Variants in SYNDIG1 observed in about 807,000 individuals in gnomAD.
The protein encoded by SYNDIG1 is synapse differentiation inducing 1, also known as synapse differentiation-inducing gene protein 1.
A neutral mutation model predicts 19.4 loss-of-function variants in SYNDIG1; 9 were observed. That is an observed-to-expected ratio of 0.46 (90% confidence interval 0.28 to 0.81). The LOEUF (loss-of-function observed/expected upper bound fraction) is 0.81. Ranked by LOEUF, SYNDIG1 falls within the 30% of genes least tolerant of loss-of-function variation. SYNDIG1 has a pLI of 0.12. For synonymous variants in SYNDIG1, 141 were observed against 145.9 expected (o/e 0.97, Z 0.24); for missense variants, 311 against 343.3 (o/e 0.91, Z 0.74).
intron 1 of SYNDIG1, among the ~76,000 whole-genome samples, chr20:24,536,252 G>T (rs1216948048): frequency 6.6e-6 from 1 of 152,172 alleles, no homozygotes; most frequent in East Asian, 1.9e-4. Flanking sequence ...TCTGAGTGTG[G>T]CCACGGGTGA....
At chr20:24,509,941 C>T in intron 1 of SYNDIG1, among the ~76,000 whole-genome samples, 1 of 152,160 alleles carries the variant, frequency 6.6e-6, no homozygotes, top group East Asian at 1.9e-4. Flanking sequence ...GTGCTGCTCT[C>T]ACCATAATGA....
chr20:24,511,391 C>T (rs1286558215), intron 1 of SYNDIG1, among the ~76,000 whole-genome samples: 1 of 152,190 alleles, frequency 6.6e-6, no homozygotes, highest in Non-Finnish European at 1.5e-5. Context: ...GCTGTGTTTT[C>T]AGCATAGAAC....
intron 1 of SYNDIG1, among the ~76,000 whole-genome samples, chr20:24,505,849 C>T (rs1473146100): frequency 6.6e-6 from 1 of 152,212 alleles, no homozygotes. Flanking sequence ...AGAGACATGC[C>T]ATTAAAAGAG....
At chr20:24,477,975 G>T (rs1230139946) in intron 1 of SYNDIG1, among the ~76,000 whole-genome samples, 2 of 152,210 alleles carry the variant, frequency 1.3e-5, no homozygotes, top group Non-Finnish European at 2.9e-5. Context: ...TCAGGATTTG[G>T]CTCTGGGCTG....
chr20:24,625,621 C>T (rs1361433603), intron 3 of SYNDIG1, among the ~76,000 whole-genome samples: 1 of 151,886 alleles, frequency 6.6e-6, no homozygotes, highest in Non-Finnish European at 1.5e-5. Flanking sequence ...TTGCACCGCC[C>T]TTAATCCATT....
chr20:24,527,074 T>G (rs1264483692), intron 1 of SYNDIG1, among the ~76,000 whole-genome samples: 1 of 152,208 alleles, frequency 6.6e-6, no homozygotes, highest in African/African-American at 2.4e-5. Flanking sequence ...TAGCGTCCTT[T>G]GAGGTGCGGC....
chr20:24,544,850 G>T (rs555438548), intron 2 of SYNDIG1, among the ~76,000 whole-genome samples: 1 of 152,304 alleles, frequency 6.6e-6, no homozygotes, highest in African/African-American at 2.4e-5. Context: ...CCCAGCTGCA[G>T]TATGAGTTTG....
intron 2 of SYNDIG1, among the ~76,000 whole-genome samples, chr20:24,544,153 G>A (rs1473928273): frequency 1.3e-5 from 2 of 152,346 alleles, no homozygotes; most frequent in South Asian, 4.1e-4. Context: ...GCAGGTGACA[G>A]CATTTGAATT....
intron 1 of SYNDIG1, among the ~76,000 whole-genome samples, chr20:24,503,501 G>T (rs1388066987): frequency 6.6e-6 from 1 of 152,194 alleles, no homozygotes; most frequent in African/African-American, 2.4e-5. Flanking sequence ...AGGGGCTCAG[G>T]AGAAGCTCGT....
intron 3 of SYNDIG1, among the ~76,000 whole-genome samples, chr20:24,590,394 C>T (rs111251645): frequency 0.03 from 4,530 of 152,072 alleles, 220 homozygotes; most frequent in African/African-American, 0.1. Flanking sequence ...AGCGGGGCTT[C>T]CACTTTGGGA....
At chr20:24,644,040 A>G (rs2059402762) in intron 3 of SYNDIG1, among the ~76,000 whole-genome samples, 1 of 152,258 alleles carries the variant, frequency 6.6e-6, no homozygotes, top group African/African-American at 2.4e-5. Flanking sequence ...AAGAAGAAAA[A>G]GAGAATCATC....
chr20:24,592,372 G>A (rs1038354878), intron 3 of SYNDIG1, among the ~76,000 whole-genome samples: 2 of 152,188 alleles, frequency 1.3e-5, no homozygotes, highest in Non-Finnish European at 2.9e-5. Context: ...TATGGCTGGT[G>A]TGTGGGATGC....
chr20:24,619,552 G>A (rs2059004676), intron 3 of SYNDIG1, among the ~76,000 whole-genome samples: 1 of 152,174 alleles, frequency 6.6e-6, no homozygotes, highest in African/African-American at 2.4e-5. Context: ...AGGGGAGCTG[G>A]TATTTATGTG....
chr20:24,551,020 G>T (rs889887425), intron 2 of SYNDIG1, among the ~76,000 whole-genome samples: 3 of 152,288 alleles, frequency 2.0e-5, no homozygotes, highest in Non-Finnish European at 4.4e-5. Context: ...AATATTGGCT[G>T]CATAGAATAA....
In SYNDIG1 at chr20:24,665,700, G is replaced by T. The variant is rs920983162; in HGVS notation, c.*196G>T. The T allele has an allele frequency of 4.2e-5, 27 of 645,506 alleles. No individual in the cohort carries two copies. Among genetic ancestry groups the T allele is most frequent in the Non-Finnish European group, 6.5e-5 (27 of 412,432 alleles). The allele number at this position is 645,506 out of a possible 1,614,324, so 40.0% of individuals were successfully genotyped here. On this transcript the variant is annotated 3_prime_UTR_variant, in exon 4 of 4. Coordinates refer to ENST00000376862, the MANE Select transcript of SYNDIG1 (RefSeq NM_024893.3). ...ACAGCACTGTGTAGAGCACCAGACA[G>T]ACGGGCACTGCTAATCCTTCCAAAG...
intron 1 of SYNDIG1, among the ~76,000 whole-genome samples, chr20:24,497,024 A>C (rs2056320586): frequency 6.6e-6 from 1 of 152,174 alleles, no homozygotes; most frequent in South Asian, 2.1e-4. Context: ...TGCTTAATTT[A>C]CTATTTCATT....
At chr20:24,607,387 A>G (rs768468185) in intron 3 of SYNDIG1, among the ~76,000 whole-genome samples, 1 of 150,658 alleles carries the variant, frequency 6.6e-6, no homozygotes, top group Non-Finnish European at 1.5e-5. Flanking sequence ...AAGAATAAAG[A>G]AAAGAAAGAA....
intron 3 of SYNDIG1, among the ~76,000 whole-genome samples, chr20:24,596,494 T>A (rs940195034): frequency 2.6e-5 from 4 of 152,176 alleles, no homozygotes; most frequent in Non-Finnish European, 5.9e-5. Context: ...TTCTACTGCC[T>A]GAGCCTCCCA....
Position 24,550,932 on chromosome 20 carries a change from TG to T in SYNDIG1, c.480+7356del, listed in dbSNP as rs931135231. Among the ~76,000 whole-genome samples the T allele has an allele frequency of 3.4e-4, 52 of 152,244 alleles. 1 individual carries two copies. The highest frequency in any genetic ancestry group is 1.2e-3 in the African/African-American group (51 of 41,478). On this transcript the variant is annotated intron_variant, in intron 2 of 3. Coordinates refer to ENST00000376862, the MANE Select transcript of SYNDIG1 (RefSeq NM_024893.3). The stretch of plus-strand genomic sequence containing the variant: ...TTTCTAATCCTTGGATAAGGATTTC[TG>T]TGCCTATATTCATGAGGGATGTTGA...
Sources: gnomAD v4.1 joint callset for allele counts (sites outside exome capture counted in the v4.1 genomes callset) on GRCh38, gnomAD v4.1.1 for gene constraint, MANE v1.5 for transcripts, NCBI Gene and HGNC (gene_info 2026-07-23, HGNC 2026-07-21) for gene names.